The following NEGR1 variants were observed in gnomAD, a reference collection of about 807,000 sequenced individuals.
NEGR1 encodes IgLON family member 4.
NEGR1 carries 10 observed loss-of-function variants against 40.9 expected under a neutral mutation model. The observed-to-expected ratio is 0.24, with a 90% CI of 0.15 to 0.42. The LOEUF is 0.42. Ranked by LOEUF, NEGR1 falls within the 10% of genes least tolerant of loss-of-function variation. The pLI is 1.00. For synonymous variants in NEGR1, 185 were observed against 166.8 expected, an observed-to-expected ratio of 1.11 and a Z score of -0.84; for missense variants, 352 against 438.9, an observed-to-expected ratio of 0.80 and a Z score of 1.77.
chr1:72,119,325 A>T (rs1480760458), intron 1 of NEGR1, among the ~76,000 whole-genome samples: 1 of 151,964 alleles, frequency 6.6e-6, no homozygotes, highest in Non-Finnish European at 1.5e-5. Flanking sequence ...GGAATTAGTG[A>T]TGCTTCCACT....
intron 1 of NEGR1, among the ~76,000 whole-genome samples, chr1:72,048,632 G>T (rs1647025398): frequency 6.6e-6 from 1 of 151,446 alleles, no homozygotes; most frequent in Admixed American, 6.6e-5. Context: ...CTAGCAAATA[G>T]AAACTAAAAA....
rs559161590 is a variant in NEGR1 at position 71,499,161 on chromosome 1, A to G, written c.941-91591T>C. ...AAAATGAACTGTCATTAGGTGTCTA[A>G]CAGAATGGTCTTCTAAAAATCAGGC... On this transcript the variant is annotated intron_variant, in intron 6 of 6. Transcript: ENST00000357731. Among the ~76,000 whole-genome samples, 83 of 152,252 alleles carry G rather than the reference A, an allele frequency of 5.5e-4. No homozygotes were observed. The South Asian group carries it at 6.2e-3, about 11-fold the overall frequency.
At chr1:72,160,317 C>A (rs946636711) in intron 1 of NEGR1, among the ~76,000 whole-genome samples, 2 of 152,084 alleles carry the variant, frequency 1.3e-5, no homozygotes, top group African/African-American at 4.8e-5. Flanking sequence ...TTCAAATTCC[C>A]TAAAGTGCCC....
At chr1:71,730,877 CGTGTGTGTGTGTGT>C (rs59873481) in intron 3 of NEGR1, among the ~76,000 whole-genome samples, 52 of 130,072 alleles carry the variant, frequency 4.0e-4, no homozygotes, top group East Asian at 2.3e-3. Context: ...GTGAAGCATT[CGTGTGTGTGTGTGT>C]GTGTGTGTGT....
chr1:72,089,607 T>C (rs1393355198), intron 1 of NEGR1, among the ~76,000 whole-genome samples: 4 of 152,208 alleles, frequency 2.6e-5, no homozygotes, highest in African/African-American at 9.6e-5. Context: ...GTTTGATTTC[T>C]GGGTCAAATC....
At chr1:72,210,921 T>C (rs541637369) in intron 1 of NEGR1, among the ~76,000 whole-genome samples, 1 of 151,994 alleles carries the variant, frequency 6.6e-6, no homozygotes, top group East Asian at 1.9e-4. Context: ...TTTGGTGTAG[T>C]ACAAAAGAAG....
intron 1 of NEGR1, among the ~76,000 whole-genome samples, chr1:72,194,302 T>C (rs1278157191): frequency 6.6e-6 from 1 of 151,974 alleles, no homozygotes; most frequent in Non-Finnish European, 1.5e-5. Flanking sequence ...TATAAGGTAC[T>C]ATTCAGGAGG....
intron 4 of NEGR1, among the ~76,000 whole-genome samples, chr1:71,633,531 A>G (rs1651044811): frequency 6.6e-6 from 1 of 152,108 alleles, no homozygotes. Context: ...GACAGTTTCA[A>G]AATGACTGGA....
chr1:72,141,686 A>G (rs1355264894), intron 1 of NEGR1, among the ~76,000 whole-genome samples: 3 of 152,030 alleles, frequency 2.0e-5, no homozygotes, highest in Non-Finnish European at 4.4e-5. Flanking sequence ...ATGATGGTAA[A>G]CAGGTAAATA....
At chr1:71,673,020 G>C (rs1652488236) in intron 4 of NEGR1, among the ~76,000 whole-genome samples, 1 of 152,090 alleles carries the variant, frequency 6.6e-6, no homozygotes, top group African/African-American at 2.4e-5. Flanking sequence ...CGGATCATGA[G>C]GTCAGGAGAT....
At chr1:72,101,504 G>A (rs542797659) in intron 1 of NEGR1, among the ~76,000 whole-genome samples, 1 of 152,050 alleles carries the variant, frequency 6.6e-6, no homozygotes, top group East Asian at 1.9e-4. Flanking sequence ...CCTATTTCAG[G>A]GTGCAATTTT....
At chr1:72,081,148 C>T (rs924647132) in intron 1 of NEGR1, among the ~76,000 whole-genome samples, 3 of 152,016 alleles carry the variant, frequency 2.0e-5, no homozygotes, top group African/African-American at 7.2e-5. Flanking sequence ...GACTTGGGCT[C>T]AATTTAGGAG....
At chr1:72,273,758 T>C (rs777062402) in intron 1 of NEGR1, among the ~76,000 whole-genome samples, 15 of 152,040 alleles carry the variant, frequency 9.9e-5, no homozygotes, top group Non-Finnish European at 1.5e-4. Context: ...ATTTAAATAA[T>C]ATTTCCAATG....
chr1:71,832,012 C>T lies in NEGR1; in HGVS notation c.410-55715G>A, dbSNP rs1016701223. ...AAAGTAGGACTTTAGGAACACTGGA[C>T]TGATGTAAGTACGCAAGATGGATTA... is the stretch of plus-strand genomic sequence containing the variant. On this transcript the variant is annotated intron_variant, in intron 2 of 6. Transcript: ENST00000357731. Among the ~76,000 whole-genome samples, 6 of 151,780 alleles carry T rather than the reference C, an allele frequency of 4.0e-5. No individual in the cohort carries two copies. In the South Asian group the frequency reaches 6.2e-4, roughly 16 times the overall value.
chr1:71,799,844 C>A (rs1230666484), intron 2 of NEGR1, among the ~76,000 whole-genome samples: 1 of 152,098 alleles, frequency 6.6e-6, no homozygotes, highest in Non-Finnish European at 1.5e-5. Flanking sequence ...TCCTGAGTAG[C>A]TGGGACTACA....
intron 2 of NEGR1, among the ~76,000 whole-genome samples, chr1:71,921,983 G>T (rs79283677): frequency 6.6e-6 from 1 of 151,866 alleles, no homozygotes; most frequent in African/African-American, 2.4e-5. Flanking sequence ...TTTTACATAC[G>T]TGATGAAAGT....
chr1:71,416,003 T>C (rs796136984), intron 6 of NEGR1, among the ~76,000 whole-genome samples: 4 of 152,270 alleles, frequency 2.6e-5, no homozygotes, highest in African/African-American at 9.6e-5. Flanking sequence ...TTGCCCTTAC[T>C]ATACAGACTT....
At chr1:72,175,012 A>C (rs1412724164) in intron 1 of NEGR1, among the ~76,000 whole-genome samples, 3 of 151,882 alleles carry the variant, frequency 2.0e-5, no homozygotes, top group Non-Finnish European at 2.9e-5. Flanking sequence ...ACATGTGCAC[A>C]ATGAGCAGGT....
rs1196258053 is a variant in NEGR1, at chr1:71,559,044, T to C, written c.940+33773A>G. Among the ~76,000 whole-genome samples the C allele has an allele frequency of 4.9e-3, 302 of 62,260 alleles. 1 individual carries two copies. The highest frequency in any genetic ancestry group is 0.013 in the African/African-American group (259 of 19,264). 40.8% of individuals were successfully genotyped at this position (62,260 alleles called of 152,430 possible). ...GTATATATATATATATATATATATATACACATATATATTCATGTGTATGCA... is the reference window on the plus strand; with the variant it reads ...GTATATATATATATATATATATATACACACATATATATTCATGTGTATGCA... On this transcript the variant is annotated intron_variant, in intron 6 of 6. Coordinates refer to ENST00000357731, the MANE Select transcript of NEGR1 (RefSeq NM_173808.3).
Sources: gnomAD v4.1 joint callset for allele counts (sites outside exome capture counted in the v4.1 genomes callset) on GRCh38, gnomAD v4.1.1 for gene constraint, MANE v1.5 for transcripts, NCBI Gene and HGNC (gene_info 2026-07-23, HGNC 2026-07-21) for gene names.